Variants in SYNRG observed in about 807,000 individuals in gnomAD.
SYNRG encodes the protein AP1 gamma subunit binding protein 1.
Under a neutral mutation model 130.9 loss-of-function variants are expected in SYNRG, and 37 were observed. That is an observed-to-expected ratio of 0.28 (90% confidence interval 0.22 to 0.37). The LOEUF (loss-of-function observed/expected upper bound fraction) is 0.37, where lower values mean the gene tolerates loss of function less well. SYNRG is among the 10% of genes least tolerant of loss of function. SYNRG has a pLI of 1.00. For synonymous variants in SYNRG, 539 were observed against 568.1 expected, an observed-to-expected ratio of 0.95 and a Z score of 0.73; for missense variants, 1,338 against 1,588.9, an observed-to-expected ratio of 0.84 and a Z score of 2.68.
rs1209145816 is a variant in SYNRG, at chr17:37,553,026, C to A, written c.2608+89G>T. On this transcript the variant is annotated intron_variant, in intron 14 of 21. Coordinates refer to ENST00000612223, the MANE Select transcript of SYNRG (RefSeq NM_007247.6). ...ATTAGAGATTCATAAAGCTAAAGGG[C>A]CAGAGCCTTACTCATGTAAATCAAC... 8 of 1,220,452 alleles carry A rather than the reference C, an allele frequency of 6.6e-6. No homozygotes were observed. The East Asian group carries it at 1.9e-4, about 29-fold the overall frequency. 75.6% of individuals were successfully genotyped at this position (1,220,452 alleles called of 1,614,324 possible). A position where few individuals can be genotyped will look rare whatever the true frequency, so the allele number is the denominator to read the frequency against.
At chr17:37,590,661 C>T (rs986598059) in intron 3 of SYNRG, among the ~76,000 whole-genome samples, 8 of 152,120 alleles carry the variant, frequency 5.3e-5, no homozygotes, top group African/African-American at 1.9e-4. Flanking sequence ...TGGCTCATGC[C>T]TGTAATCCCG....
chr17:37,523,934 A>G (rs1311410138), intron 19 of SYNRG, among the ~76,000 whole-genome samples: 2 of 152,222 alleles, frequency 1.3e-5, no homozygotes, highest in African/African-American at 2.4e-5. Context: ...TGAGAACCAA[A>G]AACAAGAGCA....
At chr17:37,592,694 A>T (rs1271919690) in intron 3 of SYNRG, among the ~76,000 whole-genome samples, 2 of 152,252 alleles carry the variant, frequency 1.3e-5, no homozygotes, top group Non-Finnish European at 2.9e-5. Flanking sequence ...TTCAATTTAT[A>T]TAACATTTTT....
intron 1 of SYNRG, among the ~76,000 whole-genome samples, chr17:37,604,849 T>A (rs1276655277): frequency 6.6e-6 from 1 of 152,150 alleles, no homozygotes; most frequent in African/African-American, 2.4e-5. Context: ...TCTCAGGGAA[T>A]ATGGAGGCCC....
At chr17:37,540,249 T>A (rs1214373783) in intron 16 of SYNRG, 131 bp downstream of exon 16, 1 of 1,108,424 alleles carries the variant, frequency 9.0e-7, no homozygotes, top group Admixed American at 2.4e-5. Flanking sequence ...TTTAATTACA[T>A]AGTTTATGTC....
chr17:37,568,783 T>C lies in SYNRG; in HGVS notation c.1481+8A>G. The C allele has an allele frequency of 6.2e-7, 1 of 1,613,478 alleles. No homozygotes were observed. The highest frequency in any genetic ancestry group is 8.5e-7 in the Non-Finnish European group (1 of 1,179,806). On this transcript the variant is annotated splice_region_variant and intron_variant, in intron 11 of 21. Transcript: ENST00000612223. ...ATGCAATGTTAAATATATTAAACTCTTTTCTACCTGTTTCCATGCTGGGAG... is the reference window on the plus strand; with the variant it reads ...ATGCAATGTTAAATATATTAAACTCCTTTCTACCTGTTTCCATGCTGGGAG...
chr17:37,573,521 A>G lies in SYNRG; in HGVS notation c.902-1534T>C, dbSNP rs896844917. ...AGTAATACAAACTGGCAGAAAATGG[A>G]TAAAACTCCAAAATATACCAAGATC... On this transcript the variant is annotated intron_variant, in intron 8 of 21. Transcript: ENST00000612223. Among the ~76,000 whole-genome samples, 28 of 152,328 alleles carry G rather than the reference A, an allele frequency of 1.8e-4. 1 individual carries two copies. Among genetic ancestry groups the G allele is most frequent in the Admixed American group, 1.8e-3 (27 of 15,290 alleles).
chr17:37,533,874 T>G (rs2056905709), intron 19 of SYNRG, among the ~76,000 whole-genome samples: 1 of 149,540 alleles, frequency 6.7e-6, no homozygotes, highest in Non-Finnish European at 1.5e-5. Context: ...ACTAAGGCCT[T>G]CGTTATATTT....
chr17:37,608,987 C>A (rs2064104357), intron 1 of SYNRG, among the ~76,000 whole-genome samples: 1 of 83,166 alleles, frequency 1.2e-5, no homozygotes. Context: ...ATTTGCCCCG[C>A]CCCCCCCCAC....
intron 6 of SYNRG, among the ~76,000 whole-genome samples, chr17:37,580,119 T>C (rs1435534283): frequency 6.6e-6 from 1 of 152,134 alleles, no homozygotes; most frequent in Non-Finnish European, 1.5e-5. Flanking sequence ...TAGTGCTGAA[T>C]ACATTTTGGA....
intron 12 of SYNRG, 107 bp from the exon 13 acceptor site, chr17:37,561,364 C>T: frequency 1.4e-6 from 2 of 1,420,768 alleles, no homozygotes; most frequent in Non-Finnish European, 2.0e-6. Context: ...ATGTGGTATA[C>T]AGGCATTTTA....
At position 37,609,280 on chromosome 17, in the gene SYNRG, C is replaced by T. The variant is rs1479421400; in HGVS notation, c.76G>A (p.Gly26Ser). 1.8e-5 allele frequency: 26 copies of T among 1,446,132 alleles called. No individual in the cohort carries two copies. Among genetic ancestry groups the T allele is most frequent in the Non-Finnish European group, 2.4e-5 (26 of 1,105,342 alleles). The allele number at this position is 1,446,132 out of a possible 1,614,324, so 89.6% of individuals were successfully genotyped here. The change falls in exon 1 of 22, where the codon GGC becomes AGC. Residue 26 changes from glycine (G) to serine (S), a missense_variant and splice_region_variant. Around this residue, in one of 3 missense-constraint regions of SYNRG, gnomAD observed 184 missense variants for 217.2 expected, o/e 0.85. Coordinates refer to ENST00000612223, the MANE Select transcript of SYNRG (RefSeq NM_007247.6). Reference sequence around the variant, plus strand: ...TCCCGCCCGGCTCTTCACACCTACCCGCCTCCCCCGGCGGACCCCGCGCCA... The same window carrying T: ...TCCCGCCCGGCTCTTCACACCTACCTGCCTCCCCCGGCGGACCCCGCGCCA... ...GAGAGSAGGG[G>S]FMFPVAGGIR... is the part of the protein sequence containing the mutation.
At chr17:37,585,452 A>G (rs755444660) in intron 4 of SYNRG, 22 bp from the exon 5 acceptor site, 1 of 1,551,432 alleles carries the variant, frequency 6.4e-7, no homozygotes, top group Non-Finnish European at 8.9e-7. Flanking sequence ...ATGATCTAAT[A>G]AAGAACCAGC....
chr17:37,583,647 G>A (rs954019659), intron 6 of SYNRG, among the ~76,000 whole-genome samples: 2 of 152,144 alleles, frequency 1.3e-5, no homozygotes, highest in African/African-American at 2.4e-5. Context: ...CACCTATTAG[G>A]TATGTTTTCT....
Position 37,553,424 on chromosome 17 carries a change from T to C in SYNRG, c.2299A>G (p.Thr767Ala), listed in dbSNP as rs1315354992. 6.8e-6 allele frequency: 11 copies of C among 1,613,864 alleles called. No homozygotes were observed. Among genetic ancestry groups the C allele is most frequent in the Non-Finnish European group, 9.3e-6 (11 of 1,180,002 alleles). Residue 767 changes from threonine (T) to alanine (A), a missense_variant, in exon 14 of 22, where the codon ACT becomes GCT. Thr to Ala is a moderately conservative substitution (Grantham distance 58). Coordinates refer to ENST00000612223, the MANE Select transcript of SYNRG (RefSeq NM_007247.6). ...GLGVEDLKDNTPSGKSDDDFA... is the reference protein window; with the variant it reads ...GLGVEDLKDNAPSGKSDDDFA... ...TCATCATCACTTTTTCCTGAAGGAG[T>C]GTTATCTTTCAGGTCTTCAACACCT...
chr17:37,578,921 T>C (rs2061068599), intron 6 of SYNRG, among the ~76,000 whole-genome samples: 1 of 152,160 alleles, frequency 6.6e-6, no homozygotes, highest in Admixed American at 6.5e-5. Flanking sequence ...GTGCTCCTAG[T>C]TGAGGAGCAA....
intron 19 of SYNRG, 78 bp from the exon 20 acceptor site, chr17:37,520,726 C>T: frequency 1.7e-6 from 2 of 1,197,710 alleles, no homozygotes; most frequent in Admixed American, 1.8e-5. Flanking sequence ...ATCACTCACC[C>T]CCAGCAGGCC....
chr17:37,594,785 C>A (rs1247024685), intron 3 of SYNRG, among the ~76,000 whole-genome samples: 3 of 152,142 alleles, frequency 2.0e-5, no homozygotes, highest in Admixed American at 1.3e-4. Flanking sequence ...TCTAAGAGAA[C>A]TACACATCCC....
At chr17:37,607,977 A>AAAAAAC (rs1555802869) in intron 1 of SYNRG, among the ~76,000 whole-genome samples, 21 of 121,596 alleles carry the variant, frequency 1.7e-4, no homozygotes, top group South Asian at 2.5e-4. Flanking sequence ...AAAAAAAAAA[A>AAAAAAC]AAACAAGACA....
Sources: allele counts gnomAD v4.1 joint callset (sites outside exome capture counted in the v4.1 genomes callset), GRCh38; gene constraint gnomAD v4.1.1; regional missense constraint gnomAD v4.1.1; transcripts MANE v1.5; gene names NCBI Gene and HGNC (gene_info 2026-07-23, HGNC 2026-07-21).